Variants in PHACTR3 observed in about 807,000 individuals in gnomAD.
The protein encoded by PHACTR3 is protein phosphatase 1, regulatory subunit 123.
PHACTR3 carries 16 observed loss-of-function variants against 66.8 expected under a neutral mutation model. That is an observed-to-expected ratio of 0.24 (90% CI 0.16 to 0.36). The LOEUF (loss-of-function observed/expected upper bound fraction) is 0.36, where lower values mean the gene tolerates loss of function less well. Ranked by LOEUF, PHACTR3 falls within the 10% of genes least tolerant of loss-of-function variation. The pLI is 1.00. For missense variants in PHACTR3, 647 were observed against 719.9 expected (o/e 0.90, Z 1.16); for synonymous variants, 323 against 292.1 (o/e 1.11, Z -1.08).
chr20:59,697,708 G>T (rs1169840285), intron 1 of PHACTR3, among the ~76,000 whole-genome samples: 3 of 152,050 alleles, frequency 2.0e-5, no homozygotes, highest in Admixed American at 1.3e-4. Context: ...GAACAAGCAG[G>T]ACATTTTTCA....
chr20:59,629,454 A>G (rs2034585401), intron 1 of PHACTR3, among the ~76,000 whole-genome samples: 1 of 151,750 alleles, frequency 6.6e-6, no homozygotes, highest in South Asian at 2.1e-4. Context: ...GCAGAAACCT[A>G]CTCTCTCGCA....
At chr20:59,761,373 C>A (rs2039989154) in intron 4 of PHACTR3, among the ~76,000 whole-genome samples, 1 of 152,134 alleles carries the variant, frequency 6.6e-6, no homozygotes, top group African/African-American at 2.4e-5. Context: ...AGTTGGTGAG[C>A]CACCTGGCCC....
intron 7 of PHACTR3, among the ~76,000 whole-genome samples, chr20:59,803,953 T>C (rs1177958175): frequency 6.6e-6 from 1 of 152,198 alleles, no homozygotes; most frequent in Non-Finnish European, 1.5e-5. Context: ...TGCACCTGTT[T>C]CTCAGCTTCT....
intron 8 of PHACTR3, among the ~76,000 whole-genome samples, chr20:59,811,762 C>T (rs1169954192): frequency 1.3e-5 from 2 of 152,178 alleles, no homozygotes; most frequent in African/African-American, 2.4e-5. Flanking sequence ...AGCAAGGGCT[C>T]TGGAACAGTG....
chr20:59,799,105 TG>T (rs1221908931), intron 7 of PHACTR3, among the ~76,000 whole-genome samples: 1 of 152,130 alleles, frequency 6.6e-6, no homozygotes, highest in East Asian at 1.9e-4. Flanking sequence ...TATTTTTTTT[TG>T]TTATTGATTG....
At chr20:59,785,976 T>C (rs1968403460) in intron 7 of PHACTR3, among the ~76,000 whole-genome samples, 1 of 152,186 alleles carries the variant, frequency 6.6e-6, no homozygotes, top group South Asian at 2.1e-4. Flanking sequence ...GACTTTTCTG[T>C]TTATTTGCAG....
intron 1 of PHACTR3, among the ~76,000 whole-genome samples, chr20:59,624,778 A>G (rs1381303017): frequency 4.6e-5 from 7 of 152,234 alleles, no homozygotes; most frequent in Admixed American, 2.0e-4. Flanking sequence ...ATGTTAATTT[A>G]AATTTTACAG....
intron 1 of PHACTR3, among the ~76,000 whole-genome samples, chr20:59,692,895 G>A (rs2037164010): frequency 6.6e-6 from 1 of 152,196 alleles, no homozygotes; most frequent in African/African-American, 2.4e-5. Flanking sequence ...GCATTGTCTG[G>A]CACTGGGTAA....
intron 3 of PHACTR3, 98 bp from the exon 4 acceptor site, chr20:59,755,084 G>A (rs2039736532): frequency 1.6e-6 from 2 of 1,277,622 alleles, no homozygotes; most frequent in Non-Finnish European, 1.1e-6. Flanking sequence ...GGACCACCCA[G>A]AGCCTAGAAT....
intron 1 of PHACTR3, among the ~76,000 whole-genome samples, chr20:59,672,811 AG>A (rs2036240251): frequency 6.6e-6 from 1 of 152,040 alleles, no homozygotes; most frequent in South Asian, 2.1e-4. Context: ...ACCGCAGCAA[AG>A]TTTTAGGAAG....
At chr20:59,774,568 C>T (rs867456364) in intron 7 of PHACTR3, 78 bp downstream of exon 7, 8 of 1,527,594 alleles carry the variant, frequency 5.2e-6, no homozygotes, top group South Asian at 1.3e-5. Flanking sequence ...GGACAGAGCT[C>T]GTGCCTGGGG....
intron 1 of PHACTR3, among the ~76,000 whole-genome samples, chr20:59,651,283 G>A (rs144168714): frequency 0.011 from 1,681 of 152,262 alleles, 41 homozygotes; most frequent in African/African-American, 0.037. Flanking sequence ...CTAAAGTAGC[G>A]TAACTTTTCA....
chr20:59,669,496 G>T (rs920851130), intron 1 of PHACTR3, among the ~76,000 whole-genome samples: 1 of 152,216 alleles, frequency 6.6e-6, no homozygotes, highest in Non-Finnish European at 1.5e-5. Context: ...ATATCGTGCA[G>T]CTCACCCATT....
chr20:59,821,363 T>C (rs2042024445), intron 8 of PHACTR3, among the ~76,000 whole-genome samples: 1 of 152,202 alleles, frequency 6.6e-6, no homozygotes, highest in Non-Finnish European at 1.5e-5. Flanking sequence ...TTTACCCTTA[T>C]GCCGGTGTTG....
chr20:59,833,506 G>A (rs1356112143), intron 8 of PHACTR3, among the ~76,000 whole-genome samples: 1 of 152,148 alleles, frequency 6.6e-6, no homozygotes, highest in Non-Finnish European at 1.5e-5. Context: ...AGAGGGTCTG[G>A]TACTAATTCT....
At chr20:59,729,848 C>T (rs890508763) in intron 1 of PHACTR3, among the ~76,000 whole-genome samples, 4 of 152,184 alleles carry the variant, frequency 2.6e-5, no homozygotes, top group Non-Finnish European at 5.9e-5. Context: ...GACATTCAAG[C>T]ATGATGTCCT....
At chr20:59,673,662 C>T (rs1341356012) in intron 1 of PHACTR3, among the ~76,000 whole-genome samples, 4 of 152,192 alleles carry the variant, frequency 2.6e-5, no homozygotes, top group Non-Finnish European at 4.4e-5. Context: ...AGGATTCCGA[C>T]TTGTACCCGG....
exon 1 of PHACTR3, chr20:59,577,547 G>T (rs1190434160): frequency 1.7e-6 from 2 of 1,185,618 alleles, no homozygotes; most frequent in East Asian, 3.6e-5. Flanking sequence ...GCTGTCCTGC[G>T]CCCCTGCGCT....
intron 3 of PHACTR3, among the ~76,000 whole-genome samples, chr20:59,753,152 T>C (rs1353706234): frequency 2.1e-5 from 3 of 146,058 alleles, no homozygotes; most frequent in Non-Finnish European, 3.0e-5. Context: ...TCATAAAAAT[T>C]AAAAAAAAAA....
Sources: allele counts gnomAD v4.1 joint callset (sites outside exome capture counted in the v4.1 genomes callset), GRCh38; gene constraint gnomAD v4.1.1; transcripts MANE v1.5; gene names NCBI Gene and HGNC (gene_info 2026-07-23, HGNC 2026-07-21).